CACNB2: variants seen among roughly 807,000 people sequenced by gnomAD.
CACNB2 encodes calcium voltage-gated channel auxiliary subunit beta 2, also known as voltage-dependent L-type calcium channel subunit beta-2.
CACNB2 carries 42 observed loss-of-function variants against 73.3 expected under a neutral mutation model. That is an observed-to-expected ratio of 0.57 (90% CI 0.45 to 0.74). CACNB2 has a LOEUF of 0.74. Ranked by LOEUF, CACNB2 falls within the 30% of genes least tolerant of loss-of-function variation. The pLI is 0.00. For synonymous variants in CACNB2, 348 were observed against 310.3 expected (o/e 1.12, Z -1.28); for missense variants, 940 against 853.0 (o/e 1.10, Z -1.27).
chr10:18,481,453 G>T (rs577254463), intron 3 of CACNB2, among the ~76,000 whole-genome samples: 4 of 150,700 alleles, frequency 2.7e-5, no homozygotes, highest in Non-Finnish European at 4.4e-5. Flanking sequence ...TACCATGTTG[G>T]CCAGGCTGGT....
intron 3 of CACNB2, among the ~76,000 whole-genome samples, chr10:18,479,865 A>G (rs2048634117): frequency 1.3e-5 from 2 of 152,176 alleles, no homozygotes; most frequent in African/African-American, 4.8e-5. Context: ...AGTTCTTTAT[A>G]GCAGTGTGAG....
In CACNB2 at chr10:18,429,070, G is replaced by A. The variant is rs568637854; in HGVS notation, c.333+27027G>A. ...TTTTGATATCACTGTTGTTCTTGAA[G>A]CTTGTCATTGACAAGTTTCTTTCAT... On this transcript the variant is annotated intron_variant, in intron 3 of 13. Coordinates refer to ENST00000324631, the MANE Select transcript of CACNB2 (RefSeq NM_201596.3). 2.0e-5 allele frequency among the ~76,000 whole-genome samples: 3 copies of A among 152,278 alleles called. No individual in the cohort carries two copies. The South Asian group carries it at 6.2e-4, about 32-fold the overall frequency.
chr10:18,386,434 A>T (rs1437924071), intron 2 of CACNB2, among the ~76,000 whole-genome samples: 166 of 115,942 alleles, frequency 1.4e-3, no homozygotes, highest in African/African-American at 5.4e-3. Flanking sequence ...ACGGAGTCTC[A>T]CTCTGTCGCC....
At chr10:18,251,888 C>T (rs749413529) in intron 2 of CACNB2, among the ~76,000 whole-genome samples, 26 of 152,122 alleles carry the variant, frequency 1.7e-4, no homozygotes, top group Non-Finnish European at 3.4e-4. Flanking sequence ...AGTCACCTCC[C>T]ACCAAGTCCC....
chr10:18,282,285 C>T (rs757537076), intron 2 of CACNB2, among the ~76,000 whole-genome samples: 8 of 152,258 alleles, frequency 5.3e-5, no homozygotes, highest in Non-Finnish European at 1.0e-4. Context: ...GCACAGAGGA[C>T]ACTGCAGCTG....
chr10:18,226,357 C>T lies in CACNB2; in HGVS notation c.213+75382C>T, dbSNP rs900738387. 3.2e-4 allele frequency among the ~76,000 whole-genome samples: 49 copies of T among 152,148 alleles called. 2 individuals are homozygous for T. The highest frequency in any genetic ancestry group is 7.2e-5 in the African/African-American group (3 of 41,434). On this transcript the variant is annotated intron_variant, in intron 2 of 13. Coordinates refer to ENST00000324631, the MANE Select transcript of CACNB2 (RefSeq NM_201596.3). ...GTTTTAAGTTTCTATTGACTGGCAT[C>T]GGCTACTTCAGCAGAAGCTGGATCC...
intron 2 of CACNB2, among the ~76,000 whole-genome samples, chr10:18,242,871 A>G (rs960554871): frequency 6.6e-6 from 1 of 151,412 alleles, no homozygotes. Context: ...TTAGCCGGGC[A>G]TGGTGGTGGG....
intron 2 of CACNB2, among the ~76,000 whole-genome samples, chr10:18,289,213 C>A (rs1461391152): frequency 6.6e-6 from 1 of 151,714 alleles, no homozygotes; most frequent in East Asian, 1.9e-4. Context: ...TACCCCCGAC[C>A]CCCTCCCCAG....
intron 3 of CACNB2, among the ~76,000 whole-genome samples, chr10:18,412,662 C>T (rs2044701106): frequency 1.3e-5 from 2 of 152,252 alleles, no homozygotes; most frequent in African/African-American, 4.8e-5. Flanking sequence ...CTGGTACACA[C>T]AAAGTCTACT....
At position 18,177,601 on chromosome 10, in the gene CACNB2, A is replaced by C. The variant is rs183849932; in HGVS notation, c.213+26626A>C. On this transcript the variant is annotated intron_variant, in intron 2 of 13. Transcript: ENST00000324631. The stretch of plus-strand genomic sequence containing the variant: ...CTCAAAAAAAAAAAGAAGAAGAAGA[A>C]GAAAGAAAGAAAGAGCAAGCATTTG... Among the ~76,000 whole-genome samples the C allele has an allele frequency of 4.6e-5, 7 of 152,094 alleles. No individual in the cohort carries two copies. The East Asian group carries it at 1.4e-3, about 29-fold the overall frequency.
intron 3 of CACNB2, among the ~76,000 whole-genome samples, chr10:18,463,213 T>TC (rs1457474863): frequency 6.6e-6 from 1 of 152,094 alleles, no homozygotes; most frequent in Non-Finnish European, 1.5e-5. Context: ...AAGAAGCATC[T>TC]CTCCTCCTGT....
At chr10:18,301,234 T>TC (rs2039498325) in intron 2 of CACNB2, among the ~76,000 whole-genome samples, 1 of 151,956 alleles carries the variant, frequency 6.6e-6, no homozygotes, top group Non-Finnish European at 1.5e-5. Flanking sequence ...ACCAGGGGAG[T>TC]GACGTGAGCT....
At chr10:18,196,292 A>ACT in intron 2 of CACNB2, among the ~76,000 whole-genome samples, 1 of 61,900 alleles carries the variant, frequency 1.6e-5, no homozygotes, top group East Asian at 3.4e-4. Flanking sequence ...CACCAACAAA[A>ACT]CTTTTTTTTT....
At chr10:18,516,409 G>T (rs961051820) in intron 7 of CACNB2, among the ~76,000 whole-genome samples, 1 of 152,192 alleles carries the variant, frequency 6.6e-6, no homozygotes, top group Non-Finnish European at 1.5e-5. Flanking sequence ...GGCAGTTACA[G>T]ATCGAAGGAA....
At chr10:18,374,267 G>A (rs1212776433) in intron 2 of CACNB2, among the ~76,000 whole-genome samples, 1 of 152,186 alleles carries the variant, frequency 6.6e-6, no homozygotes, top group Non-Finnish European at 1.5e-5. Context: ...GTCAGTGGAT[G>A]AAGAGATGCC....
intron 2 of CACNB2, among the ~76,000 whole-genome samples, chr10:18,358,525 TCTCTCTCTCTCTCTCTCTCTCTCTCTCG>T (rs1159637063): frequency 0.053 from 2,051 of 38,784 alleles, 58 homozygotes; most frequent in Non-Finnish European, 0.072. Flanking sequence ...TCTCTCTCTC[TCTCTCTCTCTCTCTCTCTCTCTCTCTCG>T]CTCTCTCTCT....
intron 2 of CACNB2, among the ~76,000 whole-genome samples, chr10:18,176,679 G>A (rs2033609265): frequency 6.6e-6 from 1 of 150,400 alleles, no homozygotes; most frequent in South Asian, 2.1e-4. Flanking sequence ...AATGCCAAAT[G>A]GAGGTTAGCA....
At chr10:18,485,697 G>T (rs1246682339) in intron 3 of CACNB2, among the ~76,000 whole-genome samples, 5 of 151,636 alleles carry the variant, frequency 3.3e-5, no homozygotes, top group African/African-American at 1.2e-4. Context: ...AAGTAGCTGG[G>T]ATTACAGGCA....
chr10:18,141,849 C>T (rs1308770377), intron 1 of CACNB2, among the ~76,000 whole-genome samples: 1 of 152,228 alleles, frequency 6.6e-6, no homozygotes, highest in Non-Finnish European at 1.5e-5. Flanking sequence ...TTTCAGGCAG[C>T]ATTCTGGAGA....
Sources: gnomAD v4.1 joint callset for allele counts (sites outside exome capture counted in the v4.1 genomes callset) on GRCh38, gnomAD v4.1.1 for gene constraint, MANE v1.5 for transcripts, NCBI Gene and HGNC (gene_info 2026-07-23, HGNC 2026-07-21) for gene names.